RNASE3: variants seen among roughly 807,000 people sequenced by gnomAD.
The protein encoded by RNASE3 is ribonuclease A family member 3.
For missense variants in RNASE3, 192 were observed against 205.3 expected, an observed-to-expected ratio of 0.94 and a Z score of 0.40; for synonymous variants, 66 against 72.0, an observed-to-expected ratio of 0.92 and a Z score of 0.42.
rs1877570319 is a variant in RNASE3 at position 20,891,945 on chromosome 14, A to G, written c.259A>G (p.Ile87Val). The G allele has an allele frequency of 6.2e-7, 1 of 1,613,088 alleles. No homozygotes were observed. The highest frequency in any genetic ancestry group is 1.7e-5 in the Admixed American group (1 of 60,002). ...NVVNVCGNQS[I>V]RCPHNRTLNN... ...AGTTAATGTTTGTGGTAACCAAAGT[A>G]TACGCTGCCCTCATAACAGAACTCT... Residue 87 changes from isoleucine (I) to valine (V), a missense_variant, in exon 2 of 2, where the codon ATA becomes GTA. By Grantham distance (29) the Ile-to-Val change is conservative (BLOSUM62 3). Coordinates refer to ENST00000304639, the MANE Select transcript of RNASE3 (RefSeq NM_002935.3).
chr14:20,892,118 G>A lies in RNASE3; in HGVS notation c.432G>A (p.Arg144=). 6.2e-7 allele frequency: 1 copy of A among 1,612,486 alleles called. No homozygotes were observed. The highest frequency in any genetic ancestry group is 8.5e-7 in the Non-Finnish European group (1 of 1,179,996). ...TTGCATGTGACAACAGAGATCCACG[G>A]GATTCTCCACGGTATCCTGTGGTTC... ...YVVACDNRDP[R]DSPRYPVVPV... is the part of the protein sequence containing the mutation. Residue 144 remains arginine, a synonymous_variant, in exon 2 of 2, where the codon CGG becomes CGA. Coordinates refer to ENST00000304639, the MANE Select transcript of RNASE3 (RefSeq NM_002935.3).
rs1877587313 is a variant in RNASE3, at chr14:20,892,290, T to C, written c.*121T>C. ...TGTCCTCATCAGTCTCCATACCCCT[T>C]CAGCTTTCCTGAGCTGAAGTCCCTT... On this transcript the variant is annotated 3_prime_UTR_variant, in exon 2 of 2. Transcript: ENST00000304639. 2 of 1,373,480 alleles carry C rather than the reference T, an allele frequency of 1.5e-6. No homozygotes were observed. Among genetic ancestry groups the C allele is most frequent in the South Asian group, 2.8e-5 (2 of 71,126 alleles). The allele number at this position is 1,373,480 out of a possible 1,614,324, so 85.1% of individuals were successfully genotyped here.
Position 20,892,212 on chromosome 14 carries a change from T to C in RNASE3, c.*43T>C. ...CCTCATCATCACTCATCTGCCAAGC[T>C]CCTCAATCATAGCCAAGATCCCATC... On this transcript the variant is annotated 3_prime_UTR_variant, in exon 2 of 2. Transcript: ENST00000304639. The C allele has an allele frequency of 6.4e-7, 1 of 1,573,006 alleles. No homozygotes were observed.
In RNASE3 at chr14:20,892,260, G is replaced by A. The variant is rs1877585923; in HGVS notation, c.*91G>A. The A allele has an allele frequency of 2.6e-6, 4 of 1,512,672 alleles. No individual in the cohort carries two copies. Among genetic ancestry groups the A allele is most frequent in the Admixed American group, 4.2e-5 (2 of 47,686 alleles). 93.7% of individuals were successfully genotyped at this position (1,512,672 alleles called of 1,614,324 possible). A position where few individuals can be genotyped will look rare whatever the true frequency, so the allele number is the denominator to read the frequency against. On this transcript the variant is annotated 3_prime_UTR_variant, in exon 2 of 2. Transcript: ENST00000304639. ...ATCCCTCCATGTACTCTGGGTATCAGCAACTGTCCTCATCAGTCTCCATAC... is the reference window on the plus strand; with the variant it reads ...ATCCCTCCATGTACTCTGGGTATCAACAACTGTCCTCATCAGTCTCCATAC...
chr14:20,892,035 G>A lies in RNASE3; in HGVS notation c.349G>A (p.Ala117Thr), dbSNP rs774890961. The A allele has an allele frequency of 7.4e-6, 12 of 1,612,622 alleles. No homozygotes were observed. In the Admixed American group the frequency reaches 2.0e-4, roughly 27 times the overall value. Residue 117 changes from alanine (A) to threonine (T), a missense_variant, in exon 2 of 2, where the codon GCA becomes ACA. By Grantham distance (58) the Ala-to-Thr change is moderately conservative (BLOSUM62 0). Transcript: ENST00000304639. Reference sequence around the variant, plus strand: ...CCACTGTGACCTCATAAATCCAGGTGCACAGAATATTTCAAACTGCACGTA... The same window carrying A: ...CCACTGTGACCTCATAAATCCAGGTACACAGAATATTTCAAACTGCACGTA... ...LLHCDLINPG[A>T]QNISNCTYAD...
rs1014142909 is a variant in RNASE3, at chr14:20,891,491, C to T, written c.-6+40C>T. 30 of 695,132 alleles carry T rather than the reference C, an allele frequency of 4.3e-5. No individual in the cohort carries two copies. The Admixed American group carries it at 7.5e-4, about 17-fold the overall frequency. 43.1% of individuals were successfully genotyped at this position (695,132 alleles called of 1,614,324 possible). ...CCCAGAGCTGGGACAGGAGGGGCAGCGACAGGGCAGCACCTGAGGGAGAGG... is the reference window on the plus strand; with the variant it reads ...CCCAGAGCTGGGACAGGAGGGGCAGTGACAGGGCAGCACCTGAGGGAGAGG... On this transcript the variant is annotated intron_variant, in intron 1 of 1. Transcript: ENST00000304639.
intron 1 of RNASE3, 33 bp from the exon 2 acceptor site, chr14:20,891,649 C>T (rs2233859): frequency 7.1e-5 from 113 of 1,581,652 alleles, no homozygotes; most frequent in Non-Finnish European, 9.3e-5. Context: ...GAGACCGGAT[C>T]GGGGAGTAGT....
Position 20,891,608 on chromosome 14 carries a change from G to T in RNASE3, c.-5-74G>T, listed in dbSNP as rs1877557472. On this transcript the variant is annotated intron_variant, in intron 1 of 1. Coordinates refer to ENST00000304639, the MANE Select transcript of RNASE3 (RefSeq NM_002935.3). The stretch of plus-strand genomic sequence containing the variant: ...CCAGAGTGGCAGCAGAGGGGCCTGT[G>T]GGTTGAGACACTATAGAGTGTGTCA... 3 of 1,519,972 alleles carry T rather than the reference G, an allele frequency of 2.0e-6. No homozygotes were observed. In the Middle Eastern group the frequency reaches 7.1e-4, roughly 360 times the overall value. 94.2% of individuals were successfully genotyped at this position (1,519,972 alleles called of 1,614,324 possible).
At position 20,891,409 on chromosome 14, in the gene RNASE3, C is replaced by T. The variant is rs1877550433; in HGVS notation, c.-48C>T. On this transcript the variant is annotated 5_prime_UTR_variant, in exon 1 of 2. Transcript: ENST00000304639. ...CAGCTGCCCCTGAACCCCAGAACAA[C>T]CAGCTGGATCAGTTCTCACAGGAGC... 1 of 471,696 alleles carries T rather than the reference C, an allele frequency of 2.1e-6. No individual in the cohort carries two copies. Among genetic ancestry groups the T allele is most frequent in the Non-Finnish European group, 3.7e-6 (1 of 268,664 alleles). 29.2% of individuals were successfully genotyped at this position (471,696 alleles called of 1,614,324 possible).
Position 20,891,690 on chromosome 14 carries a change from G to A in RNASE3, c.4G>A (p.Val2Ile), listed in dbSNP as rs751894020. 1.9e-6 allele frequency: 3 copies of A among 1,610,192 alleles called. No homozygotes were observed. In the East Asian group the frequency reaches 6.7e-5, roughly 36 times the overall value. Residue 2 changes from valine to isoleucine, a missense_variant, in exon 2 of 2, where the codon GTT becomes ATT. Physicochemically the swap from Val to Ile is conservative, Grantham distance 29 (BLOSUM62 3). Coordinates refer to ENST00000304639, the MANE Select transcript of RNASE3 (RefSeq NM_002935.3). M[V>I]PKLFTSQICL... ...CTCTTCTTTTCTTACAGGAAACATG[G>A]TTCCAAAACTGTTCACTTCCCAAAT...
In RNASE3 at chr14:20,891,398, C is replaced by G. The variant is rs1177540478; in HGVS notation, c.-59C>G. The G allele has an allele frequency of 1.3e-5, 6 of 455,658 alleles. No homozygotes were observed. The Middle Eastern group carries it at 2.3e-3, about 171-fold the overall frequency. The allele number at this position is 455,658 out of a possible 1,614,324, so 28.2% of individuals were successfully genotyped here. A position where few individuals can be genotyped will look rare whatever the true frequency, so the allele number is the denominator to read the frequency against. ...GTAGGGGAGACCAGCTGCCCCTGAA[C>G]CCCAGAACAACCAGCTGGATCAGTT... On this transcript the variant is annotated 5_prime_UTR_variant, in exon 1 of 2. Transcript: ENST00000304639.
Position 20,891,954 on chromosome 14 carries a change from C to A in RNASE3, c.268C>A (p.Pro90Thr), listed in dbSNP as rs139852467. The change falls in exon 2 of 2, where the codon CCT (proline) becomes ACT (threonine). Residue 90 changes from proline (P) to threonine (T), a missense_variant. Pro to Thr is a conservative substitution (Grantham distance 38). Transcript: ENST00000304639. ...TTGTGGTAACCAAAGTATACGCTGC[C>A]CTCATAACAGAACTCTCAACAATTG... Reference protein sequence around the residue: ...NVCGNQSIRCPHNRTLNNCHR... With the variant: ...NVCGNQSIRCTHNRTLNNCHR... The A allele has an allele frequency of 2.5e-6, 4 of 1,612,842 alleles. No homozygotes were observed. The highest frequency in any genetic ancestry group is 1.1e-5 in the South Asian group (1 of 91,060).
In RNASE3 at chr14:20,892,304, C is replaced by G; in HGVS notation, c.*135C>G. On this transcript the variant is annotated 3_prime_UTR_variant, in exon 2 of 2. Coordinates refer to ENST00000304639, the MANE Select transcript of RNASE3 (RefSeq NM_002935.3). Reference sequence around the variant, plus strand: ...TCCATACCCCTTCAGCTTTCCTGAGCTGAAGTCCCTTGTGAACCCTGCAAT... The same window carrying G: ...TCCATACCCCTTCAGCTTTCCTGAGGTGAAGTCCCTTGTGAACCCTGCAAT... 8.0e-7 allele frequency: 1 copy of G among 1,256,206 alleles called. No homozygotes were observed. Among genetic ancestry groups the G allele is most frequent in the South Asian group, 1.5e-5 (1 of 68,588 alleles). 77.8% of individuals were successfully genotyped at this position (1,256,206 alleles called of 1,614,324 possible).
At position 20,891,896 on chromosome 14, in the gene RNASE3, T is replaced by C. The variant is rs373814928; in HGVS notation, c.210T>C (p.Phe70=). 1 of 1,612,836 alleles carries C rather than the reference T, an allele frequency of 6.2e-7. No homozygotes were observed. Among genetic ancestry groups the C allele is most frequent in the Non-Finnish European group, 8.5e-7 (1 of 1,180,016 alleles). The part of the protein sequence containing the change: ...YRWRCKNQNT[F]LRTTFANVVN... ...GGCGTTGCAAAAACCAAAATACTTT[T>C]CTTCGTACAACTTTTGCTAATGTAG... Residue 70 remains phenylalanine, a synonymous_variant, in exon 2 of 2, where the codon TTT becomes TTC. Coordinates refer to ENST00000304639, the MANE Select transcript of RNASE3 (RefSeq NM_002935.3).
At position 20,892,017 on chromosome 14, in the gene RNASE3, G is replaced by A; in HGVS notation, c.331G>A (p.Asp111Asn). 2 of 1,612,828 alleles carry A rather than the reference G, an allele frequency of 1.2e-6. No homozygotes were observed. The highest frequency in any genetic ancestry group is 1.7e-6 in the Non-Finnish European group (2 of 1,180,024). Residue 111 changes from aspartate (D) to asparagine (N), a missense_variant, in exon 2 of 2, where the codon GAC becomes AAC. Transcript: ENST00000304639. ...SRFRVPLLHC[D>N]LINPGAQNIS... ...ATTCCGGGTGCCTTTACTCCACTGT[G>A]ACCTCATAAATCCAGGTGCACAGAA... is the stretch of plus-strand genomic sequence containing the variant.
In RNASE3 at chr14:20,891,789, G is replaced by C; in HGVS notation, c.103G>C (p.Ala35Pro). 6.2e-7 allele frequency: 1 copy of C among 1,612,790 alleles called. No homozygotes were observed. Among genetic ancestry groups the C allele is most frequent in the Non-Finnish European group, 8.5e-7 (1 of 1,180,022 alleles). The change falls in exon 2 of 2, where the codon GCT becomes CCT. Residue 35 changes from alanine (A) to proline (P), a missense_variant. Transcript: ENST00000304639. ...LHARPPQFTR[A>P]QWFAIQHISL... ...TGCCAGACCCCCACAGTTTACGAGG[G>C]CTCAGTGGTTTGCCATCCAGCACAT...
Position 20,892,177 on chromosome 14 carries a change from T to C in RNASE3, c.*8T>C, listed in dbSNP as rs533202480. 1.9e-6 allele frequency: 3 copies of C among 1,602,564 alleles called. No homozygotes were observed. The South Asian group carries it at 3.4e-5, about 18-fold the overall frequency. On this transcript the variant is annotated 3_prime_UTR_variant, in exon 2 of 2. Transcript: ENST00000304639. ...CTGGATACCACCATCTAAGCTCCTG[T>C]ATCAGCAGTCCTCATCATCACTCAT...
intron 1 of RNASE3, 100 bp downstream of exon 1, chr14:20,891,551 C>T (rs527540682): frequency 7.9e-7 from 1 of 1,271,830 alleles, no homozygotes; most frequent in African/African-American, 1.5e-5. Context: ...ATGTGGCACA[C>T]TTTGGGGACA....
chr14:20,891,600 G>A, intron 1 of RNASE3, 82 bp from the exon 2 acceptor site: 1 of 1,508,960 alleles, frequency 6.6e-7, no homozygotes, highest in South Asian at 1.3e-5. Context: ...GGCAGCAGAG[G>A]GGCCTGTGGG....
Sources: gnomAD v4.1 joint callset for allele counts on GRCh38, gnomAD v4.1.1 for gene constraint, MANE v1.5 for transcripts, NCBI Gene and HGNC (gene_info 2026-07-23, HGNC 2026-07-21) for gene names.